Variants in CSMD3 observed in about 807,000 individuals in gnomAD.
The protein encoded by CSMD3 is CUB and Sushi multiple domains 3, also known as CUB and sushi domain-containing protein 3.
CSMD3 carries 177 observed loss-of-function variants against 435.2 expected under a neutral mutation model. The ratio of observed to expected loss-of-function variants is 0.41; its 90% CI spans 0.36 to 0.46. The LOEUF is 0.46. Ranked by LOEUF, CSMD3 falls within the 20% of genes least tolerant of loss-of-function variation. CSMD3 has a pLI of 0.34. For synonymous variants in CSMD3, 1,656 were observed against 1,520.5 expected (o/e 1.09, Z -2.07); for missense variants, 4,265 against 4,504.6 (o/e 0.95, Z 1.52).
chr8:112,578,980 T>C (rs777712132), intron 23 of CSMD3, among the ~76,000 whole-genome samples: 25 of 152,052 alleles, frequency 1.6e-4, no homozygotes, highest in Non-Finnish European at 3.2e-4. Context: ...ATATAACTAA[T>C]TGATTTTTAC....
intron 3 of CSMD3, among the ~76,000 whole-genome samples, chr8:113,256,979 A>T (rs974712436): frequency 6.6e-5 from 10 of 152,204 alleles, no homozygotes; most frequent in African/African-American, 2.4e-4. Context: ...AAGTCTGGAA[A>T]GCCCTGATTT....
intron 10 of CSMD3, among the ~76,000 whole-genome samples, chr8:112,863,945 C>T (rs1409021119): frequency 6.6e-6 from 1 of 151,942 alleles, no homozygotes; most frequent in Non-Finnish European, 1.5e-5. Flanking sequence ...AATATGACAA[C>T]TTTGGTCATT....
chr8:113,078,173 A>G (rs1345802663), intron 5 of CSMD3, among the ~76,000 whole-genome samples: 1 of 152,206 alleles, frequency 6.6e-6, no homozygotes, highest in African/African-American at 2.4e-5. Context: ...AATGTCATTT[A>G]TGCAGACTAT....
In CSMD3 at chr8:112,887,765, AG is replaced by A. The variant is rs1401155519; in HGVS notation, c.1634-28500del. On this transcript the variant is annotated intron_variant, in intron 10 of 70. Transcript: ENST00000297405. ...AAAAAAAAAAAACTTGAATGATCCA[AG>A]AACTTAGGATTGTCGTAAATTTTTC... 5.3e-5 allele frequency among the ~76,000 whole-genome samples: 8 copies of A among 151,700 alleles called. No individual in the cohort carries two copies. The East Asian group carries it at 1.2e-3, about 22-fold the overall frequency.
intron 1 of CSMD3, among the ~76,000 whole-genome samples, chr8:113,321,841 T>C (rs1057250273): frequency 2.6e-5 from 4 of 152,154 alleles, no homozygotes; most frequent in African/African-American, 9.7e-5. Context: ...AAATTTCACA[T>C]TGATTGAAAT....
chr8:112,599,969 T>C (rs1474759546), intron 22 of CSMD3, among the ~76,000 whole-genome samples: 2 of 150,434 alleles, frequency 1.3e-5, no homozygotes, highest in East Asian at 2.0e-4. Flanking sequence ...TGTATACACA[T>C]GTAACTAACC....
At chr8:112,887,256 A>G (rs528534654) in intron 10 of CSMD3, among the ~76,000 whole-genome samples, 1 of 149,334 alleles carries the variant, frequency 6.7e-6, no homozygotes, top group Non-Finnish European at 1.5e-5. Context: ...GAAGTTAAAT[A>G]ACTCACCCAT....
intron 27 of CSMD3, among the ~76,000 whole-genome samples, chr8:112,526,708 T>C (rs951060344): frequency 6.6e-6 from 1 of 151,992 alleles, no homozygotes; most frequent in African/African-American, 2.4e-5. Flanking sequence ...ATTTGTGGCC[T>C]TTGCTCACTT....
chr8:112,595,114 T>C (rs1319581981), intron 22 of CSMD3, among the ~76,000 whole-genome samples: 2 of 148,220 alleles, frequency 1.3e-5, no homozygotes, highest in Admixed American at 6.7e-5. Flanking sequence ...TTGAAAACTT[T>C]GAAAAAAATT....
intron 30 of CSMD3, among the ~76,000 whole-genome samples, chr8:112,496,260 C>T (rs905159155): frequency 1.4e-4 from 22 of 152,102 alleles, no homozygotes; most frequent in Admixed American, 1.4e-3. Flanking sequence ...TGAGCTACCA[C>T]GTCCAGCCAC....
intron 3 of CSMD3, among the ~76,000 whole-genome samples, chr8:113,271,208 T>A (rs1462249016): frequency 2.0e-5 from 3 of 152,050 alleles, no homozygotes; most frequent in African/African-American, 7.2e-5. Context: ...CAAAAACCCA[T>A]TTTTTGGGGA....
chr8:112,547,000 C>A (rs1827241235), intron 27 of CSMD3, among the ~76,000 whole-genome samples: 1 of 152,056 alleles, frequency 6.6e-6, no homozygotes. Context: ...GCTACTATTG[C>A]CTGATTTATT....
intron 3 of CSMD3, among the ~76,000 whole-genome samples, chr8:113,191,642 T>A (rs940864838): frequency 6.6e-6 from 1 of 151,904 alleles, no homozygotes; most frequent in Non-Finnish European, 1.5e-5. Context: ...TATCACATTT[T>A]CTTTATCCGG....
intron 10 of CSMD3, among the ~76,000 whole-genome samples, chr8:112,891,120 C>G (rs915295171): frequency 9.2e-5 from 14 of 151,680 alleles, no homozygotes; most frequent in African/African-American, 3.1e-4. Context: ...ACACGACAGA[C>G]CTCCTGGGAC....
intron 22 of CSMD3, among the ~76,000 whole-genome samples, chr8:112,626,205 A>G (rs1033248527): frequency 1.3e-4 from 20 of 152,278 alleles, no homozygotes; most frequent in African/African-American, 4.1e-4. Context: ...TTTACTAGGC[A>G]GAATAATGGC....
chr8:112,304,459 C>G (rs546892565), intron 52 of CSMD3, among the ~76,000 whole-genome samples: 1 of 151,026 alleles, frequency 6.6e-6, no homozygotes, highest in African/African-American at 2.4e-5. Context: ...GTAATCATTA[C>G]TTCATTGTTA....
intron 10 of CSMD3, among the ~76,000 whole-genome samples, chr8:112,897,688 CTCTCTCTGTGTGTGTG>C (rs1193677246): frequency 2.9e-4 from 26 of 89,982 alleles, no homozygotes; most frequent in African/African-American, 9.7e-4. Context: ...CTCTCTCTCT[CTCTCTCTGTGTGTGTG>C]TGTGTGTGTG....
At chr8:112,559,125 C>G (rs886109591) in intron 24 of CSMD3, among the ~76,000 whole-genome samples, 1 of 151,700 alleles carries the variant, frequency 6.6e-6, no homozygotes, top group Admixed American at 6.6e-5. Flanking sequence ...GGGCTAAGAG[C>G]GACACTTGAG....
chr8:113,155,737 G>A (rs2091916767), intron 4 of CSMD3, among the ~76,000 whole-genome samples: 1 of 152,070 alleles, frequency 6.6e-6, no homozygotes, highest in South Asian at 2.1e-4. Context: ...GCATAACTAA[G>A]ATCATGTTGG....
Sources: allele counts gnomAD v4.1 joint callset (sites outside exome capture counted in the v4.1 genomes callset), GRCh38; gene constraint gnomAD v4.1.1; transcripts MANE v1.5; gene names NCBI Gene and HGNC (gene_info 2026-07-23, HGNC 2026-07-21).